The following EBF4 variants were observed in gnomAD, a reference collection of about 807,000 sequenced individuals.
The protein encoded by EBF4 is EBF transcription factor 4, also known as transcription factor COE4.
A neutral mutation model predicts 67.1 loss-of-function variants in EBF4; 34 were observed. The observed-to-expected ratio is 0.51, with a 90% CI of 0.39 to 0.67. The LOEUF is 0.67. EBF4 is among the 30% of genes least tolerant of loss of function. The pLI is 0.00. For missense variants in EBF4, 837 were observed against 873.3 expected, an observed-to-expected ratio of 0.96 and a Z score of 0.52; for synonymous variants, 387 against 377.7, an observed-to-expected ratio of 1.02 and a Z score of -0.29.
chr20:2,698,571 G>A (rs1295441573), intron 1 of EBF4, among the ~76,000 whole-genome samples: 1 of 152,212 alleles, frequency 6.6e-6, no homozygotes, highest in African/African-American at 2.4e-5. Context: ...AGGAAGGGGG[G>A]ATGTAGAGGA....
chr20:2,693,341 C>A (rs1300488592), upstream of EBF4, among the ~76,000 whole-genome samples: 4 of 150,672 alleles, frequency 2.7e-5, no homozygotes, highest in East Asian at 7.8e-4. This position sits in a 1 kb window ranked among gnomAD's most constrained non-coding sequence, Gnocchi z 4.6. Context: ...CCGCGCGGAC[C>A]GGGTGCGGGC....
At chr20:2,740,403 G>A (rs767781723) in intron 6 of EBF4, among the ~76,000 whole-genome samples, 3 of 152,212 alleles carry the variant, frequency 2.0e-5, no homozygotes, top group Non-Finnish European at 2.9e-5. Flanking sequence ...GTAGCCATGC[G>A]TGGCTAATGC....
chr20:2,721,918 T>C (rs2087686768), intron 6 of EBF4, among the ~76,000 whole-genome samples: 1 of 152,236 alleles, frequency 6.6e-6, no homozygotes, highest in Non-Finnish European at 1.5e-5. Context: ...TGCCTGGTAA[T>C]GTGTAATTGG....
Position 2,707,836 on chromosome 20 carries a change from G to A in EBF4, c.415-111G>A. Reference sequence around the variant, plus strand: ...AGGCAGAGGGCGTGCTCTTCCCTGGGGCAGGGTCTCCCTGGGCCTAGGCTT... The same window carrying A: ...AGGCAGAGGGCGTGCTCTTCCCTGGAGCAGGGTCTCCCTGGGCCTAGGCTT... On this transcript the variant is annotated intron_variant, in intron 4 of 16. Coordinates refer to ENST00000609451, the Ensembl canonical transcript of EBF4. This position sits in a 1 kb window ranked among gnomAD's most constrained non-coding sequence, Gnocchi z 4.6. The A allele has an allele frequency of 4.6e-6, 5 of 1,098,166 alleles. No individual in the cohort carries two copies. The highest frequency in any genetic ancestry group is 6.3e-6 in the Non-Finnish European group (5 of 787,542). 68.0% of individuals were successfully genotyped at this position (1,098,166 alleles called of 1,614,324 possible). A position where few individuals can be genotyped will look rare whatever the true frequency, so the allele number is the denominator to read the frequency against.
intron 1 of EBF4, among the ~76,000 whole-genome samples, chr20:2,701,406 C>T (rs2087373268): frequency 6.6e-6 from 1 of 152,216 alleles, no homozygotes; most frequent in Non-Finnish European, 1.5e-5. Flanking sequence ...CCTGTGTAAT[C>T]CCCTCCTGCA....
chr20:2,720,447 A>C (rs2087665677), intron 6 of EBF4, among the ~76,000 whole-genome samples: 1 of 151,392 alleles, frequency 6.6e-6, no homozygotes, highest in Admixed American at 6.6e-5. Flanking sequence ...CTTTCTTTAG[A>C]TGACTTGGGT....
rs2088029577 is a variant in EBF4 at position 2,745,031 on chromosome 20, A to G, written c.558-3518A>G. On this transcript the variant is annotated intron_variant, in intron 6 of 16. Coordinates refer to ENST00000609451, the Ensembl canonical transcript of EBF4. The surrounding 1 kb of genome is among the most constrained non-coding windows in gnomAD (Gnocchi z 5.2). Reference sequence around the variant, plus strand: ...CGGACTAGCCACACTGCAAGGGTTCATGCCGCGTGGGGCTGGTGGCTATAG... The same window carrying G: ...CGGACTAGCCACACTGCAAGGGTTCGTGCCGCGTGGGGCTGGTGGCTATAG... 6.6e-6 allele frequency among the ~76,000 whole-genome samples: 1 copy of G among 152,198 alleles called. No individual in the cohort carries two copies. The highest frequency in any genetic ancestry group is 6.5e-5 in the Admixed American group (1 of 15,276).
exon 14 of EBF4, chr20:2,752,428 T>C: frequency 7.7e-7 from 1 of 1,298,604 alleles, no homozygotes; most frequent in African/African-American, 1.5e-5. Flanking sequence ...GCAGAGCGGC[T>C]ACGGCGGCGG....
chr20:2,752,283 C>G lies in EBF4; in HGVS notation c.1351+20C>G. The G allele has an allele frequency of 4.1e-6, 5 of 1,221,562 alleles. No homozygotes were observed. The highest frequency in any genetic ancestry group is 5.1e-6 in the Non-Finnish European group (5 of 983,608). The allele number at this position is 1,221,562 out of a possible 1,614,324, so 75.7% of individuals were successfully genotyped here. A position where few individuals can be genotyped will look rare whatever the true frequency, so the allele number is the denominator to read the frequency against. ...AGCCGGGTGCGTGGGCCGCGCCTCC[C>G]CGCCGTCCTCGGGCGCCGCCACCGC... On this transcript the variant is annotated intron_variant, in intron 13 of 16. Coordinates refer to ENST00000609451, the Ensembl canonical transcript of EBF4.
intron 2 of EBF4, 64 bp from the exon 3 acceptor site, chr20:2,705,910 G>T: frequency 1.3e-6 from 2 of 1,522,696 alleles, no homozygotes; most frequent in Non-Finnish European, 1.8e-6. Flanking sequence ...TTAGGAGAAG[G>T]GGTGGACAAG....
At position 2,693,802 on chromosome 20, in the gene EBF4, C is replaced by G. The variant is rs1435984493; in HGVS notation, c.137+20C>G. 3.9e-6 allele frequency: 5 copies of G among 1,274,066 alleles called. No homozygotes were observed. The highest frequency in any genetic ancestry group is 1.5e-5 in the African/African-American group (1 of 64,586). 78.9% of individuals were successfully genotyped at this position (1,274,066 alleles called of 1,614,324 possible). A position where few individuals can be genotyped will look rare whatever the true frequency, so the allele number is the denominator to read the frequency against. On this transcript the variant is annotated intron_variant, in intron 1 of 16. Coordinates refer to ENST00000609451, the Ensembl canonical transcript of EBF4. This position sits in a 1 kb window ranked among gnomAD's most constrained non-coding sequence, Gnocchi z 4.6. ...GCAGAGGTAAGCGCTCGGACCGGAC[C>G]CGGTGCGCTCGGGTTGGACGGCTGC...
At position 2,721,718 on chromosome 20, in the gene EBF4, G is replaced by A. The variant is rs145607158; in HGVS notation, c.557+12076G>A. On this transcript the variant is annotated intron_variant, in intron 6 of 16. Transcript: ENST00000609451. ...GACCCGCCTGCCTCAGCCTGCCAAA[G>A]TGCTGGAATTACAGGTGTGAGCCAC... is the stretch of plus-strand genomic sequence containing the variant. 1.3e-3 allele frequency among the ~76,000 whole-genome samples: 192 copies of A among 152,304 alleles called. 5 individuals are homozygous for A. In the East Asian group the frequency reaches 0.035, roughly 28 times the overall value.
At chr20:2,727,981 C>T (rs2087767178) in intron 6 of EBF4, among the ~76,000 whole-genome samples, 2 of 152,110 alleles carry the variant, frequency 1.3e-5, no homozygotes, top group South Asian at 4.1e-4. Flanking sequence ...AGATATATGA[C>T]TTGCAAATAT....
At chr20:2,715,712 A>G (rs925334977) in intron 6 of EBF4, among the ~76,000 whole-genome samples, 6 of 152,192 alleles carry the variant, frequency 3.9e-5, no homozygotes, top group African/African-American at 1.2e-4. Flanking sequence ...CCAGATTACT[A>G]TTGAAGTTGA....
chr20:2,708,629 A>T (rs2087494306), intron 5 of EBF4, among the ~76,000 whole-genome samples: 1 of 152,152 alleles, frequency 6.6e-6, no homozygotes, highest in Non-Finnish European at 1.5e-5. Flanking sequence ...CTGAGGCAGG[A>T]AGGCTGAGGC....
upstream of EBF4, chr20:2,692,911 C>G (rs1373744367): frequency 1.4e-5 from 2 of 146,146 alleles, no homozygotes; most frequent in Non-Finnish European, 3.0e-5. The surrounding 1 kb of genome is among the most constrained non-coding windows in gnomAD (Gnocchi z 6.4). Context: ...GAACCGGGCC[C>G]CGGGGGGAGT....
chr20:2,711,668 C>T (rs898490722), intron 6 of EBF4, among the ~76,000 whole-genome samples: 1 of 152,174 alleles, frequency 6.6e-6, no homozygotes, highest in South Asian at 2.1e-4. Context: ...GTGCTAAGAA[C>T]TTTTCTACAT....
In EBF4 at chr20:2,751,866, C is replaced by T; in HGVS notation, c.1108-56C>T. The T allele has an allele frequency of 1.9e-6, 3 of 1,548,802 alleles. No individual in the cohort carries two copies. In the South Asian group the frequency reaches 3.6e-5, roughly 18 times the overall value. On this transcript the variant is annotated intron_variant, in intron 11 of 16. Transcript: ENST00000609451. The surrounding 1 kb of genome is among the most constrained non-coding windows in gnomAD (Gnocchi z 5.2). ...GGTGAGGAGGGGCTCCCGAGGGCCCCTTGGTCGCCCCCAGGGGCTGCCCCT... is the reference window on the plus strand; with the variant it reads ...GGTGAGGAGGGGCTCCCGAGGGCCCTTTGGTCGCCCCCAGGGGCTGCCCCT...
chr20:2,709,529 C>T, intron 5 of EBF4, 45 bp from the exon 6 acceptor site: 1 of 1,523,628 alleles, frequency 6.6e-7, no homozygotes, highest in Non-Finnish European at 8.8e-7. Flanking sequence ...GTGGCCCCCT[C>T]CTTCCTTGGC....
Sources: allele counts gnomAD v4.1 joint callset (sites outside exome capture counted in the v4.1 genomes callset), GRCh38; gene constraint gnomAD v4.1.1; non-coding constraint Gnocchi (gnomAD v3.1); transcripts MANE v1.5; gene names NCBI Gene and HGNC (gene_info 2026-07-23, HGNC 2026-07-21).